The following CPNE2 variants were observed in gnomAD, a reference collection of about 807,000 sequenced individuals.
CPNE2 encodes copine 2.
In CPNE2, 42 loss-of-function variants were observed where a neutral mutation model predicts 69.7. That is an observed-to-expected ratio of 0.60 (90% CI 0.47 to 0.78). CPNE2 has a LOEUF of 0.78. CPNE2 is among the 30% of genes least tolerant of loss of function. The pLI, the probability that CPNE2 is intolerant of heterozygous loss-of-function variation, is 0.00. For missense variants in CPNE2, 587 were observed against 732.0 expected, an observed-to-expected ratio of 0.80 and a Z score of 2.29; for synonymous variants, 294 against 289.8, an observed-to-expected ratio of 1.01 and a Z score of -0.15.
rs1379493290 is a variant in CPNE2 at position 57,146,487 on chromosome 16, C to G, written c.1539+166C>G. 1 of 647,944 alleles carries G rather than the reference C, an allele frequency of 1.5e-6. No homozygotes were observed. The highest frequency in any genetic ancestry group is 2.6e-6 in the Non-Finnish European group (1 of 379,792). The allele number at this position is 647,944 out of a possible 1,614,324, so 40.1% of individuals were successfully genotyped here. On this transcript the variant is annotated intron_variant, in intron 15 of 15. Coordinates refer to ENST00000290776, the MANE Select transcript of CPNE2 (RefSeq NM_152727.6). This position sits in a 1 kb window ranked among gnomAD's most constrained non-coding sequence, Gnocchi z 4.4. ...CCATGTGCCAGGCGCCGTGCCAGGC[C>G]TTGCCCCGGTGGTGGCCATTGTGAT... is the stretch of plus-strand genomic sequence containing the variant.
At chr16:57,105,191 G>A (rs1157016085) in intron 1 of CPNE2, among the ~76,000 whole-genome samples, 2 of 152,220 alleles carry the variant, frequency 1.3e-5, no homozygotes, top group Non-Finnish European at 2.9e-5. Context: ...CTGACATAGT[G>A]GAAGTGGGGA....
intron 5 of CPNE2, 65 bp downstream of exon 5, chr16:57,117,632 G>A: frequency 1.3e-6 from 2 of 1,574,540 alleles, no homozygotes; most frequent in Non-Finnish European, 1.7e-6. Context: ...AGGGCTGTGT[G>A]GCCTCATTCC....
intron 11 of CPNE2, among the ~76,000 whole-genome samples, chr16:57,127,041 A>G (rs571568423): frequency 1.3e-5 from 2 of 152,328 alleles, no homozygotes; most frequent in South Asian, 4.1e-4. Flanking sequence ...GAGTGCACAT[A>G]CAAATGAAAT....
chr16:57,134,722 G>T (rs1215681407), intron 12 of CPNE2, 53 bp from the exon 13 acceptor site: 5 of 1,607,718 alleles, frequency 3.1e-6, no homozygotes, highest in Non-Finnish European at 4.3e-6. Context: ...TGGTGGCCTG[G>T]GTCTGGGTTT....
intron 7 of CPNE2, among the ~76,000 whole-genome samples, chr16:57,120,705 G>A (rs2069755555): frequency 6.6e-6 from 1 of 152,078 alleles, no homozygotes; most frequent in Admixed American, 6.5e-5. Context: ...TCCTAGGAGG[G>A]CCATAGCAGC....
In CPNE2 at chr16:57,119,350, G is replaced by A. The variant is rs1490107251; in HGVS notation, c.591+72G>A. The A allele has an allele frequency of 2.0e-5, 30 of 1,493,212 alleles. 1 individual carries two copies. Among genetic ancestry groups the A allele is most frequent in the Non-Finnish European group, 2.8e-5 (30 of 1,073,812 alleles). The allele number at this position is 1,493,212 out of a possible 1,614,324, so 92.5% of individuals were successfully genotyped here. A position where few individuals can be genotyped will look rare whatever the true frequency, so the allele number is the denominator to read the frequency against. The stretch of plus-strand genomic sequence containing the variant: ...CCAGCCCCTCCACAGCTCTGAAAAA[G>A]GGAGGTGCGGTCACAGCCGCTCAGT... On this transcript the variant is annotated intron_variant, in intron 6 of 15. Transcript: ENST00000290776.
intron 12 of CPNE2, among the ~76,000 whole-genome samples, chr16:57,133,567 C>G (rs151126017): frequency 6.6e-6 from 1 of 152,164 alleles, no homozygotes; most frequent in Non-Finnish European, 1.5e-5. Flanking sequence ...GTACCCCCAT[C>G]GTCATGTCTT....
At chr16:57,127,795 T>G (rs371821106) in intron 11 of CPNE2, 54 bp from the exon 12 acceptor site, 70 of 1,570,806 alleles carry the variant, frequency 4.5e-5, no homozygotes, top group Middle Eastern at 1.7e-4. Flanking sequence ...GGGCAGAGGG[T>G]CGGGTGGTGT....
chr16:57,125,165 G>C (rs980373206), intron 10 of CPNE2: 10 of 391,668 alleles, frequency 2.6e-5, no homozygotes, highest in South Asian at 1.8e-4. Context: ...CTTTCTCCAG[G>C]GATTGGGCTG....
intron 14 of CPNE2, chr16:57,145,768 ATAGCAAC>A (rs2069952539): frequency 1.3e-5 from 5 of 385,316 alleles, no homozygotes; most frequent in Non-Finnish European, 2.4e-5. Context: ...GTCCCACAGT[ATAGCAAC>A]TGGCAAGGCC....
At chr16:57,109,349 G>T (rs1389829913) in intron 1 of CPNE2, among the ~76,000 whole-genome samples, 1 of 152,088 alleles carries the variant, frequency 6.6e-6, no homozygotes, top group South Asian at 2.1e-4. Context: ...GGTTGTGGGT[G>T]CCTGTAGTCC....
intron 1 of CPNE2, among the ~76,000 whole-genome samples, chr16:57,110,274 G>A (rs535228949): frequency 6.7e-6 from 1 of 148,572 alleles, no homozygotes; most frequent in African/African-American, 2.5e-5. Context: ...CTAGGCTGGA[G>A]TGCAGAGACG....
Position 57,130,874 on chromosome 16 carries a change from C to T in CPNE2, c.1116+2971C>T, listed in dbSNP as rs1337755664. ...GCAGGTCTAAAGGCTGAGGAGGAGC[C>T]AGGAGAGGCGTGGAGGTGAATTGAA... On this transcript the variant is annotated intron_variant, in intron 12 of 15. Transcript: ENST00000290776. The surrounding 1 kb of genome is among the most constrained non-coding windows in gnomAD (Gnocchi z 4.1). 6.6e-6 allele frequency among the ~76,000 whole-genome samples: 1 copy of T among 151,810 alleles called. No individual in the cohort carries two copies. The highest frequency in any genetic ancestry group is 1.9e-4 in the East Asian group (1 of 5,166).
intron 13 of CPNE2, among the ~76,000 whole-genome samples, chr16:57,135,707 G>C (rs1567326974): frequency 6.6e-6 from 1 of 151,082 alleles, no homozygotes; most frequent in Non-Finnish European, 1.5e-5. Flanking sequence ...AACCCCGTCT[G>C]TACTAAAACT....
In CPNE2 at chr16:57,146,027, G is replaced by A; in HGVS notation, c.1303-58G>A. 7.0e-7 allele frequency: 1 copy of A among 1,420,180 alleles called. No homozygotes were observed. The highest frequency in any genetic ancestry group is 9.8e-7 in the Non-Finnish European group (1 of 1,020,356). 88.0% of individuals were successfully genotyped at this position (1,420,180 alleles called of 1,614,324 possible). On this transcript the variant is annotated intron_variant, in intron 14 of 15. Coordinates refer to ENST00000290776, the MANE Select transcript of CPNE2 (RefSeq NM_152727.6). This position sits in a 1 kb window ranked among gnomAD's most constrained non-coding sequence, Gnocchi z 4.4. ...GAGGGTTTGGGATGAAGGAGGGAGG[G>A]AGAAGGGGTGCCAGAGCCTCGACCT...
intron 1 of CPNE2, among the ~76,000 whole-genome samples, chr16:57,108,671 G>A (rs1195115206): frequency 6.6e-6 from 1 of 152,248 alleles, no homozygotes; most frequent in African/African-American, 2.4e-5. Context: ...CAGAGGACTT[G>A]TCTGCTGGGC....
Position 57,134,837 on chromosome 16 carries a change from G to T in CPNE2, c.1168+11G>T, listed in dbSNP as rs746974494. 2 of 1,613,680 alleles carry T rather than the reference G, an allele frequency of 1.2e-6. No homozygotes were observed. The highest frequency in any genetic ancestry group is 2.2e-5 in the South Asian group (2 of 91,062). ...ACCCCTTCTGCTCAGGTGAGTGTCA[G>T]ACCCACCTGCAGCTGCCCTGTGTTT... is the stretch of plus-strand genomic sequence containing the variant. On this transcript the variant is annotated intron_variant, in intron 13 of 15. Transcript: ENST00000290776.
intron 12 of CPNE2, among the ~76,000 whole-genome samples, chr16:57,132,197 C>G (rs2069843132): frequency 6.6e-6 from 1 of 152,200 alleles, no homozygotes; most frequent in African/African-American, 2.4e-5. Context: ...TTTGAGACCT[C>G]AGTTTCTCCC....
intron 8 of CPNE2, 89 bp downstream of exon 8, chr16:57,121,280 A>G: frequency 9.2e-7 from 1 of 1,088,604 alleles, no homozygotes. Context: ...CCTGGGGCTG[A>G]GATCCCCCTT....
Sources: allele counts gnomAD v4.1 joint callset (sites outside exome capture counted in the v4.1 genomes callset), GRCh38; gene constraint gnomAD v4.1.1; non-coding constraint Gnocchi (gnomAD v3.1); transcripts MANE v1.5; gene names NCBI Gene and HGNC (gene_info 2026-07-23, HGNC 2026-07-21).